NMI: variants seen among roughly 807,000 people sequenced by gnomAD.
The protein encoded by NMI is N-myc-interactor.
In NMI, 39 loss-of-function variants were observed where a neutral mutation model predicts 34.3. The observed-to-expected ratio is 1.14, with a 90% CI of 0.88 to 1.49. NMI has a LOEUF of 1.49. Ranked by LOEUF, NMI falls within the 40% of genes most tolerant of loss-of-function variation. The pLI is 0.00. For missense variants in NMI, 339 were observed against 358.1 expected (o/e 0.95, Z 0.43); for synonymous variants, 113 against 120.3 (o/e 0.94, Z 0.40).
intron 3 of NMI, 42 bp downstream of exon 3, chr2:151,281,906 C>T: frequency 1.1e-6 from 1 of 946,606 alleles, no homozygotes; most frequent in African/African-American, 1.7e-5. Context: ...AAAAACCATG[C>T]ATCCATCAAA....
At position 151,275,661 on chromosome 2, in the gene NMI, CT is replaced by C. The variant is rs1283410407; in HGVS notation, c.456del (p.Glu153LysfsTer5). The C allele has an allele frequency of 6.2e-7, 1 of 1,613,922 alleles. No individual in the cohort carries two copies. The highest frequency in any genetic ancestry group is 8.5e-7 in the Non-Finnish European group (1 of 1,179,806). ...LNSGVRFQVYVEVSKMKINVT... is the reference protein window; with the variant it reads ...LNSGVRFQVYXEVSKMKINVT... ...ACATTGATTTTCATTTTAGAAACTT[CT>C]ACATAAACCTGGAAAATGATTTGAT... On this transcript the variant is annotated frameshift_variant, in exon 6 of 8. Coordinates refer to ENST00000243346, the MANE Select transcript of NMI (RefSeq NM_004688.3). LOFTEE classifies it high-confidence loss of function.
At chr2:151,281,803 G>A (rs1398542976) in intron 3 of NMI, 145 bp downstream of exon 3, 9 of 634,078 alleles carry the variant, frequency 1.4e-5, no homozygotes, top group Admixed American at 3.2e-5. Flanking sequence ...GAATCATTGG[G>A]TTGTTTTCCA....
At chr2:151,287,072 T>C (rs1383694160) in intron 1 of NMI, among the ~76,000 whole-genome samples, 1 of 152,194 alleles carries the variant, frequency 6.6e-6, no homozygotes, top group Non-Finnish European at 1.5e-5. Flanking sequence ...AACGTAGCAC[T>C]CCACATTCCT....
intron 2 of NMI, among the ~76,000 whole-genome samples, chr2:151,282,544 T>C (rs1294561312): frequency 6.6e-6 from 1 of 152,174 alleles, no homozygotes; most frequent in African/African-American, 2.4e-5. Flanking sequence ...CTTGGGGAAG[T>C]GGTTTAAGCT....
intron 1 of NMI, among the ~76,000 whole-genome samples, chr2:151,285,934 G>A (rs1240898502): frequency 6.6e-6 from 1 of 151,616 alleles, no homozygotes; most frequent in African/African-American, 2.4e-5. Context: ...CCAAATCTGG[G>A]GATAAATTAA....
Position 151,275,865 on chromosome 2 carries a change from C to G in NMI, c.341-1G>C. The stretch of plus-strand genomic sequence containing the variant: ...CTCATGCTTACCACATTTTGAGCAA[C>G]TGAAAAATAATTCAGGAAGGAAGTA... On this transcript the variant is annotated splice_acceptor_variant, in intron 4 of 7. Coordinates refer to ENST00000243346, the MANE Select transcript of NMI (RefSeq NM_004688.3). LOFTEE classifies it high-confidence loss of function. 1 of 1,550,370 alleles carries G rather than the reference C, an allele frequency of 6.5e-7. No homozygotes were observed. The highest frequency in any genetic ancestry group is 8.8e-7 in the Non-Finnish European group (1 of 1,139,804).
chr2:151,284,462 C>G (rs1357308966), intron 1 of NMI, among the ~76,000 whole-genome samples: 1 of 152,102 alleles, frequency 6.6e-6, no homozygotes, highest in African/African-American at 2.4e-5. Flanking sequence ...CCATGCCCAG[C>G]TAATTTTTGT....
chr2:151,275,950 T>C lies in NMI; in HGVS notation c.341-86A>G. The stretch of plus-strand genomic sequence containing the variant: ...TGGTTTAAGAACAAATTATCCTGAA[T>C]ATTTTTAATTTTCTTTAATATTAAA... On this transcript the variant is annotated intron_variant, in intron 4 of 7. Transcript: ENST00000243346. 3.3e-6 allele frequency: 3 copies of C among 904,288 alleles called. No homozygotes were observed. The South Asian group carries it at 5.4e-5, about 16-fold the overall frequency. The allele number at this position is 904,288 out of a possible 1,614,324, so 56.0% of individuals were successfully genotyped here.
chr2:151,282,074 T>G (rs773556997), intron 2 of NMI, 31 bp from the exon 3 acceptor site: 1 of 972,476 alleles, frequency 1.0e-6, no homozygotes, highest in South Asian at 1.4e-5. Flanking sequence ...CCAAAGAAAG[T>G]AAATAGCCCC....
chr2:151,276,089 G>A (rs1683290015), intron 4 of NMI, among the ~76,000 whole-genome samples: 1 of 152,112 alleles, frequency 6.6e-6, no homozygotes, highest in Non-Finnish European at 1.5e-5. Flanking sequence ...ATCTCATTCT[G>A]TCACTGAAGC....
chr2:151,270,622 C>A lies in NMI; in HGVS notation c.*71G>T. The A allele has an allele frequency of 1.6e-6, 2 of 1,223,552 alleles. No individual in the cohort carries two copies. The highest frequency in any genetic ancestry group is 1.5e-5 in the South Asian group (1 of 68,012). 75.8% of individuals were successfully genotyped at this position (1,223,552 alleles called of 1,614,324 possible). A position where few individuals can be genotyped will look rare whatever the true frequency, so the allele number is the denominator to read the frequency against. ...AAAGTTTTCATTTTTTAAGGAAAAGCATATTCATTTTTGTCAAACATTTAC... is the reference window on the plus strand; with the variant it reads ...AAAGTTTTCATTTTTTAAGGAAAAGAATATTCATTTTTGTCAAACATTTAC... On this transcript the variant is annotated 3_prime_UTR_variant, in exon 8 of 8. Coordinates refer to ENST00000243346, the MANE Select transcript of NMI (RefSeq NM_004688.3).
rs1410277366 is a variant in NMI, at chr2:151,282,015, T to A, written c.110A>T (p.Asn37Ile). The A allele has an allele frequency of 2.6e-6, 4 of 1,525,948 alleles. No homozygotes were observed. The African/African-American group carries it at 5.5e-5, about 21-fold the overall frequency. 94.5% of individuals were successfully genotyped at this position (1,525,948 alleles called of 1,614,324 possible). The change falls in exon 3 of 8, where the codon AAT (asparagine) becomes ATT (isoleucine). Residue 37 changes from asparagine to isoleucine, a missense_variant. Physicochemically the swap from Asn to Ile is moderately radical, Grantham distance 149 (BLOSUM62 -3). Coordinates refer to ENST00000243346, the MANE Select transcript of NMI (RefSeq NM_004688.3). ...TTGGATCTCCTTCTTTAGTTGAATA[T>A]TTTTCTTTGTAATTTCATCAATTAG... ...KGLIDEITKKNIQLKKEIQKL... is the reference protein window; with the variant it reads ...KGLIDEITKKIIQLKKEIQKL...
rs5835358 is a variant in NMI at position 151,289,252 on chromosome 2, CAAAAAAAAAAA to C, written c.-7+330_-7+340del. Among the ~76,000 whole-genome samples the C allele has an allele frequency of 5.4e-5, 4 of 74,274 alleles. No homozygotes were observed. In the East Asian group the frequency reaches 1.3e-3, roughly 23 times the overall value. 48.7% of individuals were successfully genotyped at this position (74,274 alleles called of 152,430 possible). ...TGAGCGACAGAGCGAGACTCCGTCT[CAAAAAAAAAAA>C]AAAAAAAAAAAAAGAGAGAAAACAG... On this transcript the variant is annotated intron_variant, in intron 1 of 7. Coordinates refer to ENST00000243346, the MANE Select transcript of NMI (RefSeq NM_004688.3).
intron 6 of NMI, among the ~76,000 whole-genome samples, chr2:151,272,891 A>C (rs1683213175): frequency 6.6e-6 from 1 of 152,214 alleles, no homozygotes; most frequent in African/African-American, 2.4e-5. Context: ...AGGCAAATTC[A>C]TAGAGACAGA....
At chr2:151,277,706 T>C (rs1259880639) in intron 4 of NMI, 1 of 152,242 alleles carries the variant, frequency 6.6e-6, no homozygotes, top group Non-Finnish European at 1.5e-5. Context: ...TGGCGATGCA[T>C]GTCTTCTACG....
rs1214966995 is a variant in NMI at position 151,283,522 on chromosome 2, G to T, written c.-6-568C>A. On this transcript the variant is annotated intron_variant, in intron 1 of 7. Coordinates refer to ENST00000243346, the MANE Select transcript of NMI (RefSeq NM_004688.3). The stretch of plus-strand genomic sequence containing the variant: ...TTTTCAACAAAATAATATATAGAAA[G>T]TAATGAACATTAATGTTCCTTTGTA... Among the ~76,000 whole-genome samples the T allele has an allele frequency of 3.9e-5, 6 of 152,240 alleles. No homozygotes were observed. The East Asian group carries it at 1.2e-3, about 29-fold the overall frequency.
chr2:151,288,677 T>G (rs1411844786), intron 1 of NMI, among the ~76,000 whole-genome samples: 1 of 152,168 alleles, frequency 6.6e-6, no homozygotes, highest in Non-Finnish European at 1.5e-5. Context: ...CAAATCAACA[T>G]CACCGTATTT....
chr2:151,282,806 C>T, intron 2 of NMI, 62 bp downstream of exon 2: 3 of 866,956 alleles, frequency 3.5e-6, no homozygotes, highest in Non-Finnish European at 5.2e-6. Flanking sequence ...CAAAACATGC[C>T]TTACTGCAAA....
chr2:151,287,064 C>T (rs66521733), intron 1 of NMI, among the ~76,000 whole-genome samples: 61,781 of 151,858 alleles, frequency 0.41, 14,019 homozygotes, highest in Admixed American at 0.53. Context: ...ATTGTAGTAA[C>T]GTAGCACTCC....
Sources: gnomAD v4.1 joint callset for allele counts (sites outside exome capture counted in the v4.1 genomes callset) on GRCh38, gnomAD v4.1.1 for gene constraint, MANE v1.5 for transcripts, NCBI Gene and HGNC (gene_info 2026-07-23, HGNC 2026-07-21) for gene names.